The following NHEJ1 variants were observed in gnomAD, a reference collection of about 807,000 sequenced individuals.
NHEJ1 encodes the protein non-homologous end joining factor 1, also known as non-homologous end-joining factor 1.
Under a neutral mutation model 39.4 loss-of-function variants are expected in NHEJ1, and 22 were observed. That is an observed-to-expected ratio of 0.56 (90% confidence interval 0.40 to 0.80). The LOEUF (loss-of-function observed/expected upper bound fraction) is 0.80, where lower values mean the gene tolerates loss of function less well. NHEJ1 is among the 30% of genes least tolerant of loss of function. The pLI, the probability that NHEJ1 is intolerant of heterozygous loss-of-function variation, is 0.00. For missense variants in NHEJ1, 329 were observed against 357.1 expected, an observed-to-expected ratio of 0.92 and a Z score of 0.63; for synonymous variants, 154 against 135.6, an observed-to-expected ratio of 1.14 and a Z score of -0.94.
intron 3 of NHEJ1, among the ~76,000 whole-genome samples, chr2:219,148,987 G>A (rs1283693959): frequency 1.3e-5 from 2 of 151,784 alleles, no homozygotes; most frequent in Non-Finnish European, 2.9e-5. Flanking sequence ...AGGTTCAAGC[G>A]ATTCTCCTGC....
In NHEJ1 at chr2:219,071,091, A is replaced by C. The variant is rs973595707; in HGVS notation, c.*5290T>G. Among the ~76,000 whole-genome samples, 1 of 152,166 alleles carries C rather than the reference A, an allele frequency of 6.6e-6. No individual in the cohort carries two copies. Among genetic ancestry groups the C allele is most frequent in the Non-Finnish European group, 1.5e-5 (1 of 68,024 alleles). On this transcript the variant is annotated 3_prime_UTR_variant, in exon 8 of 8. Transcript: ENST00000356853. ...TGAGTAAGGGCTGTCTTTACCATGC[A>C]TGATTCCCAACAGCACTGCTCTTGA...
chr2:219,089,970 G>A (rs1470219783), intron 5 of NHEJ1, among the ~76,000 whole-genome samples: 1 of 152,142 alleles, frequency 6.6e-6, no homozygotes, highest in Non-Finnish European at 1.5e-5. Flanking sequence ...AAGACCACAG[G>A]ATCTAGAGTC....
At chr2:219,152,237 G>A (rs1949803334) in intron 3 of NHEJ1, among the ~76,000 whole-genome samples, 1 of 152,146 alleles carries the variant, frequency 6.6e-6, no homozygotes, top group African/African-American at 2.4e-5. Context: ...AACAGGAGTT[G>A]CTAATCTTTT....
intron 5 of NHEJ1, among the ~76,000 whole-genome samples, chr2:219,101,478 A>C (rs1441590562): frequency 6.6e-6 from 1 of 151,830 alleles, no homozygotes; most frequent in African/African-American, 2.4e-5. Flanking sequence ...TGGTGGGATC[A>C]TAGCTCACTG....
At chr2:219,149,066 T>G (rs1443970849) in intron 3 of NHEJ1, among the ~76,000 whole-genome samples, 1 of 152,036 alleles carries the variant, frequency 6.6e-6, no homozygotes, top group Non-Finnish European at 1.5e-5. Context: ...GTATTTTTAG[T>G]AGAGACGGGG....
At chr2:219,076,552 G>A in intron 7 of NHEJ1, 97 bp from the exon 8 acceptor site, 1 of 645,888 alleles carries the variant, frequency 1.5e-6, no homozygotes, top group Non-Finnish European at 2.6e-6. Flanking sequence ...TGGTTAGGAT[G>A]AGGCCTTTTT....
At chr2:219,143,820 G>C (rs1949711856) in intron 5 of NHEJ1, among the ~76,000 whole-genome samples, 1 of 152,132 alleles carries the variant, frequency 6.6e-6, no homozygotes, top group African/African-American at 2.4e-5. Context: ...AAAACGATGA[G>C]CCTCTAATTT....
chr2:219,129,606 C>T (rs745599765), intron 5 of NHEJ1, among the ~76,000 whole-genome samples: 4 of 152,024 alleles, frequency 2.6e-5, no homozygotes, highest in African/African-American at 4.8e-5. Flanking sequence ...GATGTCGGGG[C>T]GGGACTCCCC....
chr2:219,118,196 T>A (rs1031396902), intron 5 of NHEJ1, among the ~76,000 whole-genome samples: 1 of 152,200 alleles, frequency 6.6e-6, no homozygotes, highest in Non-Finnish European at 1.5e-5. Flanking sequence ...AGGCCCACAT[T>A]GGCTTCTTCA....
chr2:219,150,639 G>A (rs1409599892), intron 3 of NHEJ1, among the ~76,000 whole-genome samples: 17 of 152,090 alleles, frequency 1.1e-4, no homozygotes, highest in Admixed American at 1.1e-3. Context: ...GGGCAACATG[G>A]TGAAACCTCA....
At position 219,155,193 on chromosome 2, in the gene NHEJ1, A is replaced by T. The variant is rs1009159041; in HGVS notation, c.390+2279T>A. The stretch of plus-strand genomic sequence containing the variant: ...GCTAGGGATTCCCAAAGGCCGCCCA[A>T]ATGGTTTGGTCCCAGAACAAACATT... On this transcript the variant is annotated intron_variant, in intron 3 of 7. Coordinates refer to ENST00000356853, the MANE Select transcript of NHEJ1 (RefSeq NM_024782.3). Among the ~76,000 whole-genome samples the T allele has an allele frequency of 2.0e-5, 3 of 151,640 alleles. No homozygotes were observed. The East Asian group carries it at 5.8e-4, about 29-fold the overall frequency.
intron 5 of NHEJ1, among the ~76,000 whole-genome samples, chr2:219,129,865 C>A (rs1301011895): frequency 6.6e-6 from 1 of 152,180 alleles, no homozygotes; most frequent in African/African-American, 2.4e-5. Flanking sequence ...AAGCAGGTCA[C>A]AATTTTTTTT....
At chr2:219,080,712 T>C (rs1949059374) in intron 5 of NHEJ1, among the ~76,000 whole-genome samples, 2 of 146,668 alleles carry the variant, frequency 1.4e-5, no homozygotes, top group Admixed American at 6.9e-5. Context: ...TATGCTAATA[T>C]ATATATATGC....
chr2:219,091,533 G>A (rs927828684), intron 5 of NHEJ1, among the ~76,000 whole-genome samples: 47 of 152,080 alleles, frequency 3.1e-4, no homozygotes, highest in Admixed American at 3.0e-3. Context: ...AGCCCTCAGC[G>A]CCTTTCAAAT....
intron 5 of NHEJ1, among the ~76,000 whole-genome samples, chr2:219,084,357 G>A (rs555167182): frequency 2.0e-5 from 3 of 152,296 alleles, no homozygotes; most frequent in Non-Finnish European, 4.4e-5. Context: ...CCCATCATAA[G>A]TTGAGAAGCA....
At chr2:219,095,412 C>A (rs1949198896) in intron 5 of NHEJ1, 1 of 460,876 alleles carries the variant, frequency 2.2e-6, no homozygotes, top group African/African-American at 2.0e-5. Flanking sequence ...AAGATCTCAC[C>A]ATCAAGTTCT....
chr2:219,152,119 T>C (rs1574745188), intron 3 of NHEJ1, among the ~76,000 whole-genome samples: 1 of 152,180 alleles, frequency 6.6e-6, no homozygotes. Context: ...CATCAGTCAA[T>C]TCAACAGATA....
intron 5 of NHEJ1, among the ~76,000 whole-genome samples, chr2:219,101,721 T>G (rs1262383567): frequency 7.2e-6 from 1 of 139,230 alleles, no homozygotes; most frequent in Non-Finnish European, 1.6e-5. Flanking sequence ...TACCTCATTC[T>G]TTTTTTTTTT....
At chr2:219,092,407 T>TTA (rs1379396319) in intron 5 of NHEJ1, among the ~76,000 whole-genome samples, 1 of 152,180 alleles carries the variant, frequency 6.6e-6, no homozygotes, top group African/African-American at 2.4e-5. Context: ...TATTAACACA[T>TTA]TAAATCATGA....
Sources: allele counts gnomAD v4.1 joint callset (sites outside exome capture counted in the v4.1 genomes callset), GRCh38; gene constraint gnomAD v4.1.1; transcripts MANE v1.5; gene names NCBI Gene and HGNC (gene_info 2026-07-23, HGNC 2026-07-21).